PDE11A: variants seen among roughly 807,000 people sequenced by gnomAD.
PDE11A encodes the protein phosphodiesterase 11A, also known as dual 3',5'-cyclic-AMP and -GMP phosphodiesterase 11A.
In PDE11A, 100 loss-of-function variants were observed where a neutral mutation model predicts 100.5. The ratio of observed to expected loss-of-function variants is 1.00; its 90% CI spans 0.85 to 1.18. The LOEUF (loss-of-function observed/expected upper bound fraction) is 1.18, where lower values mean the gene tolerates loss of function less well. PDE11A is among the 50% of genes most tolerant of loss of function. The pLI, the probability that PDE11A is intolerant of heterozygous loss-of-function variation, is 0.00. For missense variants in PDE11A, 1,141 were observed against 1,152.6 expected, an observed-to-expected ratio of 0.99 and a Z score of 0.15; for synonymous variants, 381 against 420.8, an observed-to-expected ratio of 0.91 and a Z score of 1.16.
chr2:177,795,085 G>A (rs542325797), intron 9 of PDE11A, among the ~76,000 whole-genome samples: 3 of 152,154 alleles, frequency 2.0e-5, no homozygotes, highest in East Asian at 1.9e-4. Context: ...GCACCCAGCC[G>A]GTGTCTGGTT....
chr2:177,948,721 C>T (rs560703638), intron 2 of PDE11A, among the ~76,000 whole-genome samples: 10 of 152,208 alleles, frequency 6.6e-5, no homozygotes, highest in Admixed American at 3.3e-4. Flanking sequence ...CTGGGCAACA[C>T]AGTGAGACAC....
At chr2:178,007,076 T>A (rs947032262) in intron 2 of PDE11A, among the ~76,000 whole-genome samples, 3 of 152,214 alleles carry the variant, frequency 2.0e-5, no homozygotes, top group African/African-American at 7.2e-5. Context: ...AAATTTTATT[T>A]CCATTATTTT....
chr2:177,950,677 C>CG (rs2085494990), intron 2 of PDE11A, among the ~76,000 whole-genome samples: 1 of 152,102 alleles, frequency 6.6e-6, no homozygotes, highest in Non-Finnish European at 1.5e-5. Flanking sequence ...TTTGGGAGGC[C>CG]GAGTTGGGCA....
intron 5 of PDE11A, among the ~76,000 whole-genome samples, chr2:177,866,868 C>T (rs1355445239): frequency 2.6e-5 from 4 of 152,204 alleles, no homozygotes; most frequent in Non-Finnish European, 4.4e-5. Flanking sequence ...ACTGAGGCCA[C>T]AAACACTGCA....
chr2:177,947,809 TA>T (rs2085462542), intron 2 of PDE11A, among the ~76,000 whole-genome samples: 1 of 151,022 alleles, frequency 6.6e-6, no homozygotes, highest in East Asian at 1.9e-4. Context: ...AAAAATAAAA[TA>T]AAATCTTAAT....
At chr2:177,752,523 G>A (rs948610868) in intron 10 of PDE11A, among the ~76,000 whole-genome samples, 1 of 152,184 alleles carries the variant, frequency 6.6e-6, no homozygotes. Context: ...CAGGTCTCCT[G>A]AATTTACTTT....
intron 1 of PDE11A, among the ~76,000 whole-genome samples, chr2:178,067,974 C>A (rs1384903680): frequency 6.6e-6 from 1 of 152,162 alleles, no homozygotes; most frequent in Non-Finnish European, 1.5e-5. Flanking sequence ...CACACCCAAG[C>A]CCATCAAACA....
intron 19 of PDE11A, among the ~76,000 whole-genome samples, chr2:177,629,870 C>G (rs1425984248): frequency 6.6e-6 from 1 of 152,182 alleles, no homozygotes; most frequent in Non-Finnish European, 1.5e-5. Context: ...AGACAGGAAA[C>G]AAAATATCCA....
chr2:177,837,513 G>A (rs7592459), intron 6 of PDE11A, among the ~76,000 whole-genome samples: 31,125 of 148,580 alleles, frequency 0.21, 3,308 homozygotes, highest in Middle Eastern at 0.26. Context: ...TCGCTCTGTC[G>A]CCCAGGCTGG....
chr2:177,728,077 G>T lies in PDE11A; in HGVS notation c.1884C>A (p.Leu628=), dbSNP rs773421678. 65 of 1,612,822 alleles carry T rather than the reference G, an allele frequency of 4.0e-5. No individual in the cohort carries two copies. The South Asian group carries it at 5.9e-4, about 15-fold the overall frequency. ...CCATCCCCAGCTCCATGAACATCCG[G>T]AGAGCAGCTGTGATCATGGCATCAA... ...LDVDAMITAA[L]RMFMELGMVQ... Residue 628 remains leucine, a synonymous_variant, in exon 11 of 20, where the codon CTC becomes CTA. Transcript: ENST00000286063.
intron 1 of PDE11A, among the ~76,000 whole-genome samples, chr2:178,035,535 C>T (rs60959444): frequency 0.5 from 76,460 of 151,954 alleles, 20,021 homozygotes; most frequent in East Asian, 0.71. Context: ...ATGAGGCCAG[C>T]ATCATCCTGA....
At chr2:177,686,821 T>TGCCTCA (rs1436793517) in intron 15 of PDE11A, 5 of 150,934 alleles carry the variant, frequency 3.3e-5, no homozygotes, top group Admixed American at 2.0e-4. Context: ...GTGATTCTCC[T>TGCCTCA]GCCTCAGCCT....
intron 10 of PDE11A, among the ~76,000 whole-genome samples, chr2:177,768,123 A>G (rs1403974341): frequency 1.3e-5 from 2 of 152,172 alleles, no homozygotes; most frequent in African/African-American, 2.4e-5. Context: ...CTTGCAGTGT[A>G]TGTGCTGCTT....
At chr2:177,875,208 A>G (rs1449977359) in intron 5 of PDE11A, among the ~76,000 whole-genome samples, 2 of 151,922 alleles carry the variant, frequency 1.3e-5, no homozygotes, top group Non-Finnish European at 2.9e-5. Context: ...TGGGTGACAG[A>G]GCGAGACTCC....
At chr2:177,916,025 T>TCG (rs2105747898) in intron 2 of PDE11A, among the ~76,000 whole-genome samples, 1 of 152,330 alleles carries the variant, frequency 6.6e-6, no homozygotes, top group Non-Finnish European at 1.5e-5. Flanking sequence ...ACACCTATAA[T>TCG]ACATTCTTAT....
chr2:177,748,479 G>A lies in PDE11A; in HGVS notation c.1789-20307C>T, dbSNP rs373525038. On this transcript the variant is annotated intron_variant, in intron 10 of 19. Coordinates refer to ENST00000286063, the MANE Select transcript of PDE11A (RefSeq NM_016953.4). ...CCCTTTTTCTATCTTATCTATTTGC[G>A]TATTATTAAACACTGAGATCGTGCA... Among the ~76,000 whole-genome samples the A allele has an allele frequency of 1.1e-4, 17 of 152,188 alleles. No homozygotes were observed. The East Asian group carries it at 1.2e-3, about 10-fold the overall frequency.
intron 18 of PDE11A, among the ~76,000 whole-genome samples, chr2:177,668,450 G>GT (rs2080622721): frequency 6.6e-6 from 1 of 152,154 alleles, no homozygotes; most frequent in African/African-American, 2.4e-5. Context: ...AAAAAGGGAT[G>GT]TTTTGAGAAA....
At chr2:177,834,472 G>T (rs1362809780) in intron 6 of PDE11A, among the ~76,000 whole-genome samples, 2 of 152,190 alleles carry the variant, frequency 1.3e-5, no homozygotes, top group Non-Finnish European at 2.9e-5. Context: ...AATATTAGGG[G>T]TGTTTCACCC....
intron 2 of PDE11A, among the ~76,000 whole-genome samples, chr2:177,923,351 G>C (rs2085080032): frequency 7.8e-6 from 1 of 128,150 alleles, no homozygotes; most frequent in South Asian, 2.7e-4. Flanking sequence ...AAAGAGCGAG[G>C]CTCTGTCTCT....
Sources: allele counts gnomAD v4.1 joint callset (sites outside exome capture counted in the v4.1 genomes callset), GRCh38; gene constraint gnomAD v4.1.1; transcripts MANE v1.5; gene names NCBI Gene and HGNC (gene_info 2026-07-23, HGNC 2026-07-21).